ARHGAP24: variants seen among roughly 807,000 people sequenced by gnomAD.
ARHGAP24 encodes Rho GTPase activating protein 24.
Under a neutral mutation model 76.4 loss-of-function variants are expected in ARHGAP24, and 50 were observed. The ratio of observed to expected loss-of-function variants is 0.65; its 90% CI spans 0.52 to 0.83. The LOEUF (loss-of-function observed/expected upper bound fraction) is 0.83, where lower values mean the gene tolerates loss of function less well. ARHGAP24 is among the 40% of genes least tolerant of loss of function. The pLI, the probability that ARHGAP24 is intolerant of heterozygous loss-of-function variation, is 0.00. For synonymous variants in ARHGAP24, 345 were observed against 323.3 expected, an observed-to-expected ratio of 1.07 and a Z score of -0.72; for missense variants, 930 against 914.2, an observed-to-expected ratio of 1.02 and a Z score of -0.22.
At chr4:85,756,253 T>TA (rs1489382505) in intron 3 of ARHGAP24, among the ~76,000 whole-genome samples, 1 of 152,204 alleles carries the variant, frequency 6.6e-6, no homozygotes, top group African/African-American at 2.4e-5. Context: ...AAATACAAAA[T>TA]AATTGCAATT....
chr4:85,999,209 C>T (rs1156996061), intron 9 of ARHGAP24, among the ~76,000 whole-genome samples: 1 of 152,094 alleles, frequency 6.6e-6, no homozygotes, highest in African/African-American at 2.4e-5. Flanking sequence ...AAAATTTTGG[C>T]TCTAAAATAG....
chr4:85,867,063 A>G (rs1422219097), intron 3 of ARHGAP24, among the ~76,000 whole-genome samples: 2 of 152,094 alleles, frequency 1.3e-5, no homozygotes, highest in African/African-American at 4.8e-5. Context: ...AAACATCCTT[A>G]AATCTGGACT....
intron 3 of ARHGAP24, among the ~76,000 whole-genome samples, chr4:85,796,576 C>T (rs796569241): frequency 2.0e-5 from 3 of 151,998 alleles, no homozygotes; most frequent in South Asian, 2.1e-4. Flanking sequence ...AGAGAGAAAC[C>T]GCATAGTAAT....
chr4:85,638,666 A>G (rs1721411725), intron 2 of ARHGAP24, among the ~76,000 whole-genome samples: 1 of 152,048 alleles, frequency 6.6e-6, no homozygotes, highest in African/African-American at 2.4e-5. Context: ...ATCAGGCTGG[A>G]TCAGTGAGAA....
chr4:85,715,166 T>C (rs534720742), intron 2 of ARHGAP24, among the ~76,000 whole-genome samples: 2 of 152,240 alleles, frequency 1.3e-5, no homozygotes, highest in Admixed American at 6.5e-5. Flanking sequence ...TCAAACGCTA[T>C]GGTATTTATT....
At chr4:85,855,643 T>A (rs575002044) in intron 3 of ARHGAP24, among the ~76,000 whole-genome samples, 1 of 151,940 alleles carries the variant, frequency 6.6e-6, no homozygotes, top group Admixed American at 6.6e-5. Flanking sequence ...ATACAAAAAT[T>A]AGCTGGGTGT....
chr4:85,686,849 T>TA (rs1723441777), intron 2 of ARHGAP24, among the ~76,000 whole-genome samples: 1 of 145,296 alleles, frequency 6.9e-6, no homozygotes, highest in Non-Finnish European at 1.6e-5. Flanking sequence ...AGTAAATTAG[T>TA]CTTCTCTGCT....
intron 2 of ARHGAP24, among the ~76,000 whole-genome samples, chr4:85,627,395 G>T (rs1385247830): frequency 1.3e-5 from 2 of 152,090 alleles, no homozygotes; most frequent in East Asian, 3.9e-4. Context: ...TTGTATATTG[G>T]TGAACCTCAA....
intron 2 of ARHGAP24, among the ~76,000 whole-genome samples, chr4:85,692,796 T>A (rs1038852241): frequency 1.6e-4 from 24 of 152,234 alleles, no homozygotes; most frequent in African/African-American, 5.8e-4. Flanking sequence ...GATTCTAAAC[T>A]CTATGTCTGT....
At chr4:85,691,586 A>G (rs1457005281) in intron 2 of ARHGAP24, among the ~76,000 whole-genome samples, 1 of 152,176 alleles carries the variant, frequency 6.6e-6, no homozygotes, top group Non-Finnish European at 1.5e-5. Context: ...TTTTATCATT[A>G]CGCGATGCCC....
At chr4:85,718,171 G>A (rs1023558989) in intron 2 of ARHGAP24, among the ~76,000 whole-genome samples, 1 of 152,016 alleles carries the variant, frequency 6.6e-6, no homozygotes, top group African/African-American at 2.4e-5. Flanking sequence ...AACATAAAAT[G>A]TTCCTTATAA....
intron 5 of ARHGAP24, among the ~76,000 whole-genome samples, chr4:85,962,315 A>G (rs1488088997): frequency 6.6e-6 from 1 of 152,108 alleles, no homozygotes; most frequent in Non-Finnish European, 1.5e-5. Context: ...GCAAAAAATC[A>G]AAACTCATTA....
intron 2 of ARHGAP24, among the ~76,000 whole-genome samples, chr4:85,669,644 AATATATATATATATATATATATATAT>A (rs58332235): frequency 0.024 from 2,271 of 93,248 alleles, 119 homozygotes; most frequent in African/African-American, 0.082. Context: ...TGTACTTTCA[AATATATATATATATATATATATATAT>A]ATATATATAT....
chr4:85,710,223 T>A (rs1211435350), intron 2 of ARHGAP24, among the ~76,000 whole-genome samples: 1 of 152,010 alleles, frequency 6.6e-6, no homozygotes, highest in Non-Finnish European at 1.5e-5. Flanking sequence ...ACCATCTGAT[T>A]TTCAACAAAG....
intron 3 of ARHGAP24, among the ~76,000 whole-genome samples, chr4:85,837,494 A>G (rs1730352804): frequency 2.0e-5 from 3 of 152,192 alleles, no homozygotes; most frequent in East Asian, 3.9e-4. Context: ...TGTGGAGTCT[A>G]TGTTACATGA....
intron 4 of ARHGAP24, among the ~76,000 whole-genome samples, chr4:85,928,752 G>A (rs72976248): frequency 0.021 from 3,257 of 152,268 alleles, 124 homozygotes; most frequent in African/African-American, 0.072. Context: ...GTGAGCCATT[G>A]TGCCCAGCCC....
chr4:85,529,219 G>A (rs1163710526), intron 1 of ARHGAP24, among the ~76,000 whole-genome samples: 1 of 151,882 alleles, frequency 6.6e-6, no homozygotes, highest in African/African-American at 2.4e-5. Flanking sequence ...ACTATTCTAG[G>A]CTCACCAGTC....
chr4:85,655,328 A>G (rs960317916), intron 2 of ARHGAP24, among the ~76,000 whole-genome samples: 2 of 152,212 alleles, frequency 1.3e-5, no homozygotes, highest in Admixed American at 1.3e-4. Context: ...ATTTAGTACT[A>G]TTATTGAACA....
chr4:85,911,244 G>T (rs976382650), intron 3 of ARHGAP24, among the ~76,000 whole-genome samples: 4 of 152,190 alleles, frequency 2.6e-5, no homozygotes, highest in Non-Finnish European at 5.9e-5. Flanking sequence ...CTCGAATGGG[G>T]TGGGGCTCCC....
Sources: gnomAD v4.1 joint callset for allele counts (sites outside exome capture counted in the v4.1 genomes callset) on GRCh38, gnomAD v4.1.1 for gene constraint, MANE v1.5 for transcripts, NCBI Gene and HGNC (gene_info 2026-07-23, HGNC 2026-07-21) for gene names.